ASXL1: variants seen among roughly 807,000 people sequenced by gnomAD.
ASXL1 encodes the protein ASXL transcriptional regulator 1.
Under a neutral mutation model 89.1 loss-of-function variants are expected in ASXL1, and 65 were observed. That is an observed-to-expected ratio of 0.73 (90% CI 0.60 to 0.90). ASXL1 has a LOEUF of 0.90. Among genes scored for constraint, ASXL1 ranks in the 40% least tolerant of loss-of-function variants. ASXL1 has a pLI of 0.00. For missense variants in ASXL1, 1,786 were observed against 1,942.9 expected, an observed-to-expected ratio of 0.92 and a Z score of 1.52; for synonymous variants, 739 against 746.9, an observed-to-expected ratio of 0.99 and a Z score of 0.17.
intron 4 of ASXL1, among the ~76,000 whole-genome samples, chr20:32,379,148 G>T (rs1181353070): frequency 7.7e-6 from 1 of 130,196 alleles, no homozygotes; most frequent in Non-Finnish European, 1.6e-5. Context: ...TCACTGTCAG[G>T]TATAACTTCA....
intron 1 of ASXL1, chr20:32,359,575 T>C (rs905205469): frequency 1.5e-6 from 1 of 669,400 alleles, no homozygotes; most frequent in Non-Finnish European, 2.8e-6. Flanking sequence ...CAGACTGGGC[T>C]GTTTGCCTTC....
At chr20:32,405,387 A>G (rs1302209571) in intron 4 of ASXL1, among the ~76,000 whole-genome samples, 2 of 152,154 alleles carry the variant, frequency 1.3e-5, no homozygotes, top group African/African-American at 4.8e-5. Flanking sequence ...CCTACCCTTA[A>G]TACTTTAGTA....
At position 32,370,147 on chromosome 20, in the gene ASXL1, G is replaced by A. The variant is rs562722052; in HGVS notation, c.252+1024G>A. Among the ~76,000 whole-genome samples, 15 of 152,276 alleles carry A rather than the reference G, an allele frequency of 9.9e-5. 1 individual carries two copies. In the South Asian group the frequency reaches 2.9e-3, roughly 29 times the overall value. ...ACATATTTGTGGAAATTAAGTGACA[G>A]TAATTATAAAGTAAGAGTACTTAAA... is the stretch of plus-strand genomic sequence containing the variant. On this transcript the variant is annotated intron_variant, in intron 4 of 12. Coordinates refer to ENST00000375687, the MANE Select transcript of ASXL1 (RefSeq NM_015338.6).
chr20:32,413,257 A>G (rs1428337408), intron 4 of ASXL1, among the ~76,000 whole-genome samples: 1 of 152,230 alleles, frequency 6.6e-6, no homozygotes, highest in Non-Finnish European at 1.5e-5. Flanking sequence ...CACAAGAAGA[A>G]TACACCGGAA....
intron 8 of ASXL1, 167 bp from the exon 9 acceptor site, chr20:32,431,154 A>G: frequency 1.2e-6 from 1 of 852,592 alleles, no homozygotes; most frequent in Non-Finnish European, 1.9e-6. Context: ...TGGCAATGAC[A>G]GTAACCTGGA....
intron 4 of ASXL1, among the ~76,000 whole-genome samples, chr20:32,394,737 G>A (rs1300930538): frequency 3.3e-5 from 5 of 149,718 alleles, no homozygotes; most frequent in African/African-American, 1.2e-4. Flanking sequence ...TTTTTGAGAC[G>A]GAGTCTCACT....
chr20:32,408,437 C>T (rs533379032), intron 4 of ASXL1, among the ~76,000 whole-genome samples: 1 of 152,256 alleles, frequency 6.6e-6, no homozygotes, highest in Admixed American at 6.5e-5. Context: ...TATTTTTATA[C>T]CAATATTTTA....
At chr20:32,423,952 G>C (rs532265070) in intron 4 of ASXL1, among the ~76,000 whole-genome samples, 1 of 152,128 alleles carries the variant, frequency 6.6e-6, no homozygotes, top group South Asian at 2.1e-4. Context: ...TAAAAGTTTT[G>C]TTTTCCTTGT....
chr20:32,376,866 ATATGT>A (rs1439748721), intron 4 of ASXL1, among the ~76,000 whole-genome samples: 4 of 140,380 alleles, frequency 2.8e-5, no homozygotes, highest in African/African-American at 7.6e-5. Context: ...ATATATAATT[ATATGT>A]TATATATTTT....
Position 32,437,107 on chromosome 20 carries a change from A to G in ASXL1, c.4395A>G (p.Lys1465=). ...CCTCTAGCTCTCCCACCTTTCCCAA[A>G]GGCCTTGCTGGAAGTGTGGTGCAGC... ...NYSSSSPTFP[K]GLAGSVVQLS... is the part of the protein sequence containing the mutation. Residue 1465 remains lysine, a synonymous_variant, in exon 13 of 13, where the codon AAA becomes AAG. Coordinates refer to ENST00000375687, the MANE Select transcript of ASXL1 (RefSeq NM_015338.6). 6.2e-7 allele frequency: 1 copy of G among 1,614,160 alleles called. No individual in the cohort carries two copies. Among genetic ancestry groups the G allele is most frequent in the African/African-American group, 1.3e-5 (1 of 75,042 alleles).
At chr20:32,377,810 G>A (rs140795344) in intron 4 of ASXL1, among the ~76,000 whole-genome samples, 4 of 151,970 alleles carry the variant, frequency 2.6e-5, no homozygotes, top group Admixed American at 6.6e-5. Flanking sequence ...GAGGCACCAT[G>A]CCCGGCAAAT....
At position 32,434,885 on chromosome 20, in the gene ASXL1, A is replaced by T. The variant is rs757533853; in HGVS notation, c.2173A>T (p.Arg725Ter). The part of the protein sequence containing the change: ...RARREDLPSL[R>*]KEESCLLQRA... The stretch of plus-strand genomic sequence containing the variant: ...TAGGAGAGAGGACCTGCCTTCTCTG[A>T]GAAAGGAGGAAAGCTGCCTACTACA... The change falls in exon 13 of 13, where the codon AGA (arginine) becomes TGA (stop). Residue 725 changes from arginine (R) to a stop codon, truncating the protein, a stop_gained. Transcript: ENST00000375687. LOFTEE classifies it low-confidence loss of function (END_TRUNC). The T allele has an allele frequency of 6.2e-7, 1 of 1,614,180 alleles. No individual in the cohort carries two copies. Among genetic ancestry groups the T allele is most frequent in the Non-Finnish European group, 8.5e-7 (1 of 1,180,014 alleles).
In ASXL1 at chr20:32,358,871, G is replaced by C. The variant is rs2048057756; in HGVS notation, c.57+39G>C. Reference sequence around the variant, plus strand: ...CCGAGGGGGGCTCCGTGGGGCCCGGGGTGGGGGGGGCTCGCCGCGCACCCC... The same window carrying C: ...CCGAGGGGGGCTCCGTGGGGCCCGGCGTGGGGGGGGCTCGCCGCGCACCCC... On this transcript the variant is annotated intron_variant, in intron 1 of 12. Coordinates refer to ENST00000375687, the MANE Select transcript of ASXL1 (RefSeq NM_015338.6). 1.2e-5 allele frequency: 18 copies of C among 1,472,108 alleles called. No individual in the cohort carries two copies. In the East Asian group the frequency reaches 5.1e-4, roughly 42 times the overall value. The allele number at this position is 1,472,108 out of a possible 1,614,324, so 91.2% of individuals were successfully genotyped here. A position where few individuals can be genotyped will look rare whatever the true frequency, so the allele number is the denominator to read the frequency against.
At chr20:32,394,903 G>A (rs879507836) in intron 4 of ASXL1, among the ~76,000 whole-genome samples, 1 of 151,836 alleles carries the variant, frequency 6.6e-6, no homozygotes, top group Non-Finnish European at 1.5e-5. Flanking sequence ...TAGTAGAGAT[G>A]GGGTTTTGCC....
chr20:32,402,652 G>A (rs1191351137), intron 4 of ASXL1, among the ~76,000 whole-genome samples: 5 of 152,100 alleles, frequency 3.3e-5, no homozygotes, highest in Non-Finnish European at 7.4e-5. Context: ...TCTGTTCATT[G>A]TAATAGATGC....
chr20:32,359,148 G>T, intron 1 of ASXL1: 1 of 640,488 alleles, frequency 1.6e-6, no homozygotes, highest in Non-Finnish European at 2.8e-6. Context: ...CCACTATTTG[G>T]CAGCGTCTGG....
At chr20:32,421,814 T>C (rs1229751428) in intron 4 of ASXL1, among the ~76,000 whole-genome samples, 2 of 151,280 alleles carry the variant, frequency 1.3e-5, no homozygotes, top group Admixed American at 6.6e-5. Context: ...GTTATGGAGA[T>C]AGAAGTCAGA....
chr20:32,408,850 A>G (rs2048998766), intron 4 of ASXL1, among the ~76,000 whole-genome samples: 1 of 152,186 alleles, frequency 6.6e-6, no homozygotes, highest in Non-Finnish European at 1.5e-5. Context: ...TTTTCAATCC[A>G]TGAACATGGT....
chr20:32,383,904 T>G (rs1201414841), intron 4 of ASXL1, among the ~76,000 whole-genome samples: 1 of 152,162 alleles, frequency 6.6e-6, no homozygotes, highest in Admixed American at 6.5e-5. Context: ...CTGTCTGACA[T>G]CCTGATCTCC....
Sources: allele counts gnomAD v4.1 joint callset (sites outside exome capture counted in the v4.1 genomes callset), GRCh38; gene constraint gnomAD v4.1.1; transcripts MANE v1.5; gene names NCBI Gene and HGNC (gene_info 2026-07-23, HGNC 2026-07-21).